The following LRMDA variants were observed in gnomAD, a reference collection of about 807,000 sequenced individuals.
LRMDA encodes the protein leucine-rich melanocyte differentiation-associated protein.
Under a neutral mutation model 29.8 loss-of-function variants are expected in LRMDA, and 18 were observed. The observed-to-expected ratio is 0.60, with a 90% CI of 0.42 to 0.90. The LOEUF (loss-of-function observed/expected upper bound fraction) is 0.90, where lower values mean the gene tolerates loss of function less well. Ranked by LOEUF, LRMDA falls within the 40% of genes least tolerant of loss-of-function variation. The pLI is 0.00. For missense variants in LRMDA, 273 were observed against 273.9 expected (o/e 1.00, Z 0.02); for synonymous variants, 125 against 109.4 (o/e 1.14, Z -0.89).
At chr10:75,672,847 C>T (rs1016281265) in intron 2 of LRMDA, among the ~76,000 whole-genome samples, 30 of 151,492 alleles carry the variant, frequency 2.0e-4, no homozygotes, top group African/African-American at 3.4e-4. Flanking sequence ...GCTGGGGTTA[C>T]AGGCTTGAAC....
chr10:76,191,343 T>C (rs1342575403), intron 5 of LRMDA, among the ~76,000 whole-genome samples: 2 of 152,216 alleles, frequency 1.3e-5, no homozygotes, highest in South Asian at 2.1e-4. Flanking sequence ...TTTTCCTCTA[T>C]AGCCCTGAGC....
At chr10:75,902,988 A>G (rs1845700701) in intron 2 of LRMDA, among the ~76,000 whole-genome samples, 1 of 152,218 alleles carries the variant, frequency 6.6e-6, no homozygotes, top group Non-Finnish European at 1.5e-5. Flanking sequence ...CATCAGTCCC[A>G]CAGAGAATCT....
At chr10:76,381,410 T>A (rs575686810) in intron 6 of LRMDA, among the ~76,000 whole-genome samples, 45 of 152,318 alleles carry the variant, frequency 3.0e-4, no homozygotes, top group African/African-American at 1.0e-3. Flanking sequence ...CCTGTACATA[T>A]CTGGTAATTG....
chr10:75,959,855 G>A (rs1191987316), intron 2 of LRMDA, among the ~76,000 whole-genome samples: 2 of 152,202 alleles, frequency 1.3e-5, no homozygotes, highest in Non-Finnish European at 2.9e-5. Flanking sequence ...TGTTACATGT[G>A]CAATTTAAAA....
intron 2 of LRMDA, among the ~76,000 whole-genome samples, chr10:75,754,320 G>A (rs1843001750): frequency 6.6e-6 from 1 of 152,190 alleles, no homozygotes; most frequent in African/African-American, 2.4e-5. Context: ...AGGATGCCAT[G>A]TTGATATTTA....
chr10:75,709,430 G>C (rs1463515012), intron 2 of LRMDA, among the ~76,000 whole-genome samples: 3 of 151,804 alleles, frequency 2.0e-5, no homozygotes, highest in African/African-American at 7.3e-5. Flanking sequence ...ACGTGTGTGT[G>C]TGTGTGTCTG....
intron 5 of LRMDA, among the ~76,000 whole-genome samples, chr10:76,190,938 C>G (rs1851233555): frequency 6.6e-6 from 1 of 152,188 alleles, no homozygotes; most frequent in South Asian, 2.1e-4. Flanking sequence ...CAAGCTGATT[C>G]CCTAAGTTTG....
At chr10:75,998,175 C>A (rs1847504042) in intron 2 of LRMDA, among the ~76,000 whole-genome samples, 1 of 152,212 alleles carries the variant, frequency 6.6e-6, no homozygotes, top group Non-Finnish European at 1.5e-5. Flanking sequence ...GCATATCATG[C>A]TGTTCCTGGT....
At chr10:75,876,525 C>G (rs375575184) in intron 2 of LRMDA, among the ~76,000 whole-genome samples, 1 of 152,176 alleles carries the variant, frequency 6.6e-6, no homozygotes, top group Non-Finnish European at 1.5e-5. Flanking sequence ...AAAACCCCGA[C>G]AAACACACAG....
At chr10:75,465,158 G>A (rs187496196) in intron 2 of LRMDA, among the ~76,000 whole-genome samples, 11 of 152,350 alleles carry the variant, frequency 7.2e-5, no homozygotes, top group African/African-American at 2.4e-4. Flanking sequence ...AGCCAGAGAG[G>A]AAGAAAATCA....
intron 2 of LRMDA, among the ~76,000 whole-genome samples, chr10:75,700,970 A>AGAGT (rs1367522807): frequency 6.6e-6 from 1 of 152,242 alleles, no homozygotes; most frequent in African/African-American, 2.4e-5. Flanking sequence ...AATTTACTGA[A>AGAGT]GAGTACCAAG....
At position 75,959,516 on chromosome 10, in the gene LRMDA, T is replaced by C. The variant is rs549672438; in HGVS notation, c.132-76492T>C. Among the ~76,000 whole-genome samples, 20 of 50,536 alleles carry C rather than the reference T, an allele frequency of 4.0e-4. 1 individual carries two copies. The South Asian group carries it at 0.02, about 50-fold the overall frequency. 33.2% of individuals were successfully genotyped at this position (50,536 alleles called of 152,430 possible). ...ATATGCACATGTGCGCGCACGTGCA[T>C]GCACACACACACACACACACATACT... On this transcript the variant is annotated intron_variant, in intron 2 of 6. Transcript: ENST00000611255.
chr10:75,654,035 T>G (rs370393550), intron 2 of LRMDA, among the ~76,000 whole-genome samples: 1 of 152,214 alleles, frequency 6.6e-6, no homozygotes, highest in African/African-American at 2.4e-5. Flanking sequence ...ACACCCATAG[T>G]CAGCGCACTG....
intron 5 of LRMDA, among the ~76,000 whole-genome samples, chr10:76,139,184 G>A (rs540525291): frequency 6.6e-6 from 1 of 152,212 alleles, no homozygotes; most frequent in South Asian, 2.1e-4. Flanking sequence ...TTACTAAAAG[G>A]ACTGGAAATC....
chr10:75,988,973 C>A (rs572285821), intron 2 of LRMDA, among the ~76,000 whole-genome samples: 11 of 152,302 alleles, frequency 7.2e-5, no homozygotes, highest in African/African-American at 2.6e-4. Flanking sequence ...GAGAATGACC[C>A]CTTCTCCCAC....
intron 2 of LRMDA, among the ~76,000 whole-genome samples, chr10:75,737,911 G>A (rs1842785456): frequency 6.6e-6 from 1 of 152,162 alleles, no homozygotes; most frequent in African/African-American, 2.4e-5. Context: ...CACGTTTTAT[G>A]ATGGAAACGC....
chr10:75,906,312 GTGT>G (rs1447726239), intron 2 of LRMDA, among the ~76,000 whole-genome samples: 21 of 152,056 alleles, frequency 1.4e-4, no homozygotes, highest in African/African-American at 5.1e-4. Flanking sequence ...ACATTTTATA[GTGT>G]TTTCTTTTTC....
At chr10:76,108,873 A>G (rs7088950) in intron 5 of LRMDA, among the ~76,000 whole-genome samples, 2,090 of 152,292 alleles carry the variant, frequency 0.014, 55 homozygotes, top group African/African-American at 0.048. Context: ...TATTTCTTCA[A>G]GTGCACTGTG....
intron 3 of LRMDA, among the ~76,000 whole-genome samples, chr10:76,037,432 T>G (rs543644358): frequency 6.6e-6 from 1 of 152,360 alleles, no homozygotes; most frequent in Non-Finnish European, 1.5e-5. Flanking sequence ...ATGCCAGCAT[T>G]TAAGAATGAT....
Sources: gnomAD v4.1 joint callset for allele counts (sites outside exome capture counted in the v4.1 genomes callset) on GRCh38, gnomAD v4.1.1 for gene constraint, MANE v1.5 for transcripts, NCBI Gene and HGNC (gene_info 2026-07-23, HGNC 2026-07-21) for gene names.